Variants in SPATS2 observed in about 807,000 individuals in gnomAD.
SPATS2 encodes spermatogenesis-associated serine-rich protein 2.
A neutral mutation model predicts 63.7 loss-of-function variants in SPATS2; 38 were observed. The ratio of observed to expected loss-of-function variants is 0.60; its 90% CI spans 0.46 to 0.78. The LOEUF is 0.78. Among genes scored for constraint, SPATS2 ranks in the 30% least tolerant of loss-of-function variants. SPATS2 has a pLI of 0.00. For synonymous variants in SPATS2, 207 were observed against 232.9 expected (o/e 0.89, Z 1.01); for missense variants, 588 against 666.2 (o/e 0.88, Z 1.29).
At chr12:49,516,159 AAAAAAAAATATATAT>A (rs1415219413) in intron 10 of SPATS2, among the ~76,000 whole-genome samples, 1,260 of 31,408 alleles carry the variant, frequency 0.04, 121 homozygotes, top group African/African-American at 0.12. Flanking sequence ...AAAAAAAAAA[AAAAAAAAATATATAT>A]ATATATATAT....
At chr12:49,524,582 C>A (rs768493855) in intron 12 of SPATS2, 100 bp from the exon 13 acceptor site, 79 of 1,270,160 alleles carry the variant, frequency 6.2e-5, no homozygotes, top group Non-Finnish European at 8.4e-5. Flanking sequence ...ATAGACAGTT[C>A]TTTATCTTAA....
At chr12:49,482,885 C>T (rs1212489714) in intron 3 of SPATS2, among the ~76,000 whole-genome samples, 2 of 151,876 alleles carry the variant, frequency 1.3e-5, no homozygotes, top group African/African-American at 2.4e-5. Flanking sequence ...ACCTGCCAGA[C>T]TCCAGCTGTC....
intron 2 of SPATS2, among the ~76,000 whole-genome samples, chr12:49,459,010 G>A (rs1945770824): frequency 6.6e-6 from 1 of 152,102 alleles, no homozygotes; most frequent in Admixed American, 6.5e-5. Flanking sequence ...AGTACTGGCA[G>A]CTGGCCTGCA....
chr12:49,490,967 T>C (rs763275421), intron 6 of SPATS2: 80 of 368,674 alleles, frequency 2.2e-4, no homozygotes, highest in Non-Finnish European at 3.4e-4. Context: ...CATGGTGAAG[T>C]CCCGTCTCTA....
intron 3 of SPATS2, among the ~76,000 whole-genome samples, chr12:49,469,179 C>G (rs753289369): frequency 6.5e-4 from 99 of 151,848 alleles, no homozygotes; most frequent in Non-Finnish European, 1.1e-3. Flanking sequence ...AGGCAGATCA[C>G]TTGAGGTCAG....
intron 2 of SPATS2, among the ~76,000 whole-genome samples, chr12:49,385,839 TTTTGTTTGTTTGTTTG>T (rs576472782): frequency 6.1e-5 from 9 of 147,416 alleles, no homozygotes; most frequent in African/African-American, 2.0e-4. Context: ...TTTTTTTGTT[TTTTGTTTGTTTGTTTG>T]TTTGTTTGTT....
At chr12:49,408,125 G>A (rs1944727927) in intron 2 of SPATS2, among the ~76,000 whole-genome samples, 1 of 152,156 alleles carries the variant, frequency 6.6e-6, no homozygotes, top group Admixed American at 6.5e-5. Context: ...AGGATAATTT[G>A]GGAATATGTC....
chr12:49,423,701 A>G (rs539472331), intron 2 of SPATS2, among the ~76,000 whole-genome samples: 1 of 152,366 alleles, frequency 6.6e-6, no homozygotes, highest in African/African-American at 2.4e-5. Flanking sequence ...GATGCTTTCA[A>G]TCAATGGATT....
chr12:49,450,383 A>C (rs1234399727), intron 2 of SPATS2, among the ~76,000 whole-genome samples: 5 of 151,740 alleles, frequency 3.3e-5, no homozygotes, highest in African/African-American at 1.2e-4. Flanking sequence ...AGCTGGGACC[A>C]CAGGCGCCCG....
chr12:49,375,207 T>C (rs1195561550), intron 2 of SPATS2, among the ~76,000 whole-genome samples: 1 of 148,550 alleles, frequency 6.7e-6, no homozygotes, highest in Non-Finnish European at 1.5e-5. Context: ...GTGGTAGTGG[T>C]CTTTAGAATT....
chr12:49,486,397 G>T (rs917376767), intron 4 of SPATS2: 24 of 299,386 alleles, frequency 8.0e-5, no homozygotes, highest in South Asian at 5.7e-4. Flanking sequence ...AGTAGAGAGG[G>T]TGTCACCATG....
Position 49,492,418 on chromosome 12 carries a change from C to T in SPATS2, c.264+1687C>T, listed in dbSNP as rs1487863702. Among the ~76,000 whole-genome samples, 7 of 148,322 alleles carry T rather than the reference C, an allele frequency of 4.7e-5. No individual in the cohort carries two copies. The East Asian group carries it at 1.2e-3, about 25-fold the overall frequency. Reference sequence around the variant, plus strand: ...GTATTTTTTAGTAGAGACAGGGTTTCACCATGTTGGCTAGGCTGGTGTCGA... The same window carrying T: ...GTATTTTTTAGTAGAGACAGGGTTTTACCATGTTGGCTAGGCTGGTGTCGA... On this transcript the variant is annotated intron_variant, in intron 6 of 13. Transcript: ENST00000552918.
At chr12:49,397,363 G>A (rs891027033) in intron 2 of SPATS2, among the ~76,000 whole-genome samples, 1 of 152,180 alleles carries the variant, frequency 6.6e-6, no homozygotes, top group African/African-American at 2.4e-5. Flanking sequence ...CCTGAGAAGA[G>A]TGCTTATACA....
chr12:49,459,184 C>G (rs989001796), intron 2 of SPATS2, among the ~76,000 whole-genome samples: 24 of 152,076 alleles, frequency 1.6e-4, no homozygotes, highest in East Asian at 5.8e-4. Flanking sequence ...AATAAAACTT[C>G]GGCAATGTCC....
intron 3 of SPATS2, 157 bp downstream of exon 3, chr12:49,461,194 A>T (rs930389223): frequency 8.3e-6 from 6 of 726,562 alleles, no homozygotes; most frequent in Non-Finnish European, 1.3e-5. Context: ...TAGTCTGGGA[A>T]TTAATTCATA....
intron 3 of SPATS2, among the ~76,000 whole-genome samples, chr12:49,470,181 A>G (rs900769526): frequency 6.6e-6 from 1 of 151,872 alleles, no homozygotes; most frequent in South Asian, 2.1e-4. Context: ...ACAGACGTCC[A>G]CCACCACGCC....
chr12:49,462,354 G>A (rs1037107916), intron 3 of SPATS2: 3 of 702,396 alleles, frequency 4.3e-6, no homozygotes, highest in Non-Finnish European at 7.8e-6. Context: ...TACCAGCAGG[G>A]GTGAACTCTG....
intron 3 of SPATS2, chr12:49,469,504 G>T (rs1462142855): frequency 2.5e-6 from 1 of 398,482 alleles, no homozygotes; most frequent in East Asian, 7.7e-5. Flanking sequence ...AGGCCACGGT[G>T]AGCTGTGATC....
chr12:49,369,025 T>G (rs1230298060), intron 1 of SPATS2, among the ~76,000 whole-genome samples: 1 of 147,120 alleles, frequency 6.8e-6, no homozygotes, highest in Non-Finnish European at 1.5e-5. Flanking sequence ...AGTGACAATG[T>G]GCCTCTTTTT....
Sources: allele counts gnomAD v4.1 joint callset (sites outside exome capture counted in the v4.1 genomes callset), GRCh38; gene constraint gnomAD v4.1.1; transcripts MANE v1.5; gene names NCBI Gene and HGNC (gene_info 2026-07-23, HGNC 2026-07-21).